Variants in TEX2 observed in about 807,000 individuals in gnomAD.
TEX2 encodes the protein testis expressed 2.
TEX2 carries 53 observed loss-of-function variants against 106.9 expected under a neutral mutation model. The ratio of observed to expected loss-of-function variants is 0.50; its 90% CI spans 0.40 to 0.62. The LOEUF (loss-of-function observed/expected upper bound fraction) is 0.62, where lower values mean the gene tolerates loss of function less well. TEX2 is among the 20% of genes least tolerant of loss of function. The pLI is 0.00. For synonymous variants in TEX2, 523 were observed against 534.8 expected, an observed-to-expected ratio of 0.98 and a Z score of 0.30; for missense variants, 1,207 against 1,379.0, an observed-to-expected ratio of 0.88 and a Z score of 1.98.
At position 64,252,049 on chromosome 17, in the gene TEX2, T is replaced by G. The variant is rs538052480; in HGVS notation, c.-26+11119A>C. 4.6e-5 allele frequency among the ~76,000 whole-genome samples: 7 copies of G among 152,230 alleles called. No individual in the cohort carries two copies. In the South Asian group the frequency reaches 1.4e-3, roughly 32 times the overall value. Reference sequence around the variant, plus strand: ...TATGGAATACTCCAACCTTAAGGTCTCAAAATGGAGCCTCATGTCAGTGTC... The same window carrying G: ...TATGGAATACTCCAACCTTAAGGTCGCAAAATGGAGCCTCATGTCAGTGTC... On this transcript the variant is annotated intron_variant, in intron 1 of 11. Coordinates refer to ENST00000584379, the MANE Select transcript of TEX2 (RefSeq NM_001288732.2).
At position 64,154,333 on chromosome 17, in the gene TEX2, T is replaced by G. The variant is rs1049764275; in HGVS notation, c.2930+509A>C. 3.3e-4 allele frequency among the ~76,000 whole-genome samples: 48 copies of G among 146,538 alleles called. 1 individual carries two copies. The highest frequency in any genetic ancestry group is 1.3e-3 in the African/African-American group (47 of 36,920). The stretch of plus-strand genomic sequence containing the variant: ...TAGGCTATTTAAGCACTTTGATCAT[T>G]TCACAGCCCAAGTTAACAGGGAAAG... On this transcript the variant is annotated intron_variant, in intron 9 of 11. Coordinates refer to ENST00000584379, the MANE Select transcript of TEX2 (RefSeq NM_001288732.2).
chr17:64,213,780 G>A lies in TEX2; in HGVS notation c.438C>T (p.Ser146=). ...CAGAAAGGGATGACACACTGGGAGA[G>A]CTAGCTAAGGGCCCCGACGAAGACG... ...PGSSSSGPLA[S]SPSVSSLSEQ... is the part of the protein sequence containing the mutation. The change falls in exon 2 of 12, where the codon AGC becomes AGT. Residue 146 remains serine, a synonymous_variant. Transcript: ENST00000584379. This position sits in a 1 kb window ranked among gnomAD's most constrained non-coding sequence, Gnocchi z 4.4. The A allele has an allele frequency of 6.2e-7, 1 of 1,614,194 alleles. No homozygotes were observed. Among genetic ancestry groups the A allele is most frequent in the Non-Finnish European group, 8.5e-7 (1 of 1,180,034 alleles).
rs1187951291 is a variant in TEX2 at position 64,212,834 on chromosome 17, C to T, written c.1384G>A (p.Val462Met). Residue 462 changes from valine (V) to methionine (M), a missense_variant, in exon 2 of 12, where the codon GTG becomes ATG. Transcript: ENST00000584379. The part of the protein sequence containing the change: ...DGVVLDSEDE[V>M]DSAVQHPELP... ...TCCGGGTGCTGCACGGCCGAGTCCA[C>T]CTCGTCCTCACTGTCAAGGACCACA... 9 of 1,614,076 alleles carry T rather than the reference C, an allele frequency of 5.6e-6. No individual in the cohort carries two copies. Among genetic ancestry groups the T allele is most frequent in the Non-Finnish European group, 6.8e-6 (8 of 1,180,026 alleles).
Position 64,181,477 on chromosome 17 carries a change from A to T in TEX2, c.2425-4006T>A, listed in dbSNP as rs1480347320. ...GCCACAGAGCAAGGCTATCTCAAAAAAAAAAAAAAAAAAAAAAAAAAGCAA... is the reference window on the plus strand; with the variant it reads ...GCCACAGAGCAAGGCTATCTCAAAATAAAAAAAAAAAAAAAAAAAAAGCAA... On this transcript the variant is annotated intron_variant, in intron 5 of 11. Transcript: ENST00000584379. Among the ~76,000 whole-genome samples the T allele has an allele frequency of 7.5e-3, 903 of 121,006 alleles. 69 individuals are homozygous for T. Among genetic ancestry groups the T allele is most frequent in the African/African-American group, 0.016 (575 of 36,244 alleles). 79.4% of individuals were successfully genotyped at this position (121,006 alleles called of 152,430 possible).
Position 64,149,091 on chromosome 17 carries a change from T to C in TEX2, c.3262A>G (p.Lys1088Glu). The change falls in exon 12 of 12, where the codon AAA (lysine) becomes GAA (glutamate). Residue 1088 changes from lysine (K) to glutamate (E), a missense_variant and splice_region_variant. Around this residue, in one of 3 missense-constraint regions of TEX2, gnomAD observed 77 missense variants for 73.2 expected, o/e 1.05. Transcript: ENST00000584379. ...IEKKLEQEFQ[K>E]VFVMPNMDDV... ...TCCATGTTTGGCATGACAAAAACTT[T>C]CTGTAGGAAGATATTAAAGAACAGC... 6 of 1,613,834 alleles carry C rather than the reference T, an allele frequency of 3.7e-6. No individual in the cohort carries two copies. The highest frequency in any genetic ancestry group is 5.1e-6 in the Non-Finnish European group (6 of 1,179,832).
rs1334342023 is a variant in TEX2, at chr17:64,185,675, C to T, written c.2424+2493G>A. On this transcript the variant is annotated intron_variant, in intron 5 of 11. Coordinates refer to ENST00000584379, the MANE Select transcript of TEX2 (RefSeq NM_001288732.2). The surrounding 1 kb of genome is among the most constrained non-coding windows in gnomAD (Gnocchi z 4.0). Reference sequence around the variant, plus strand: ...ACAGTGGCTCACGCTGTAATTCCACCACTTTGGGAGGCCGAGGAGAGTGGA... The same window carrying T: ...ACAGTGGCTCACGCTGTAATTCCACTACTTTGGGAGGCCGAGGAGAGTGGA... Among the ~76,000 whole-genome samples the T allele has an allele frequency of 6.6e-6, 1 of 152,058 alleles. No homozygotes were observed. The highest frequency in any genetic ancestry group is 1.5e-5 in the Non-Finnish European group (1 of 68,020).
intron 1 of TEX2, among the ~76,000 whole-genome samples, chr17:64,245,165 C>T (rs1178920781): frequency 6.6e-6 from 1 of 152,150 alleles, no homozygotes; most frequent in African/African-American, 2.4e-5. Flanking sequence ...GGTACCCTTA[C>T]ACTATTATTT....
chr17:64,180,133 A>C (rs2031794661), intron 5 of TEX2, among the ~76,000 whole-genome samples: 1 of 152,224 alleles, frequency 6.6e-6, no homozygotes, highest in African/African-American at 2.4e-5. Context: ...TCCAAGGGCA[A>C]TGACCACCTG....
Position 64,212,783 on chromosome 17 carries a change from A to T in TEX2, c.1435T>A (p.Phe479Ile). The change falls in exon 2 of 12, where the codon TTT (phenylalanine) becomes ATT (isoleucine). Residue 479 changes from phenylalanine (F) to isoleucine (I), a missense_variant. Physicochemically the swap from Phe to Ile is conservative, Grantham distance 21. Transcript: ENST00000584379. ...PELPVKTLGF[F>I]IMCVYVYLIL... Reference sequence around the variant, plus strand: ...AGGTACACATAGACACACATTATAAAGAAGCCCAACGTCTTCACTGGCAAT... The same window carrying T: ...AGGTACACATAGACACACATTATAATGAAGCCCAACGTCTTCACTGGCAAT... 2.5e-6 allele frequency: 4 copies of T among 1,614,206 alleles called. No individual in the cohort carries two copies. Among genetic ancestry groups the T allele is most frequent in the Non-Finnish European group, 3.4e-6 (4 of 1,180,046 alleles).
At chr17:64,219,423 T>G (rs1240190845) in intron 1 of TEX2, among the ~76,000 whole-genome samples, 1 of 151,806 alleles carries the variant, frequency 6.6e-6, no homozygotes, top group Admixed American at 6.6e-5. Flanking sequence ...CAAGAATCGC[T>G]TGAAACTGAG....
chr17:64,213,996 G>C lies in TEX2; in HGVS notation c.222C>G (p.Asp74Glu), dbSNP rs147535178. The C allele has an allele frequency of 1.2e-6, 2 of 1,614,054 alleles. No individual in the cohort carries two copies. The highest frequency in any genetic ancestry group is 1.7e-6 in the Non-Finnish European group (2 of 1,180,040). The change falls in exon 2 of 12, where the codon GAC (aspartate) becomes GAG (glutamate). Residue 74 changes from aspartate (D) to glutamate (E), a missense_variant. Coordinates refer to ENST00000584379, the MANE Select transcript of TEX2 (RefSeq NM_001288732.2). This position sits in a 1 kb window ranked among gnomAD's most constrained non-coding sequence, Gnocchi z 4.4. ...GGCCAACTTGGGGTTCAAGATAGAG[G>C]TCTTCCTTGGCTTCCAGCCCTGTTA... ...SIVTGLEAKEDLYLEPQVGHD... is the reference protein window; with the variant it reads ...SIVTGLEAKEELYLEPQVGHD...
intron 1 of TEX2, among the ~76,000 whole-genome samples, chr17:64,241,604 C>T (rs1035703727): frequency 1.3e-5 from 2 of 152,040 alleles, no homozygotes; most frequent in Admixed American, 1.3e-4. Context: ...AAAAGTGGGG[C>T]CTCCTCATCC....
At chr17:64,197,494 T>C (rs1430698835) in intron 2 of TEX2, among the ~76,000 whole-genome samples, 1 of 152,180 alleles carries the variant, frequency 6.6e-6, no homozygotes, top group Non-Finnish European at 1.5e-5. Context: ...ACTGGTAATT[T>C]GTGCTTCTCT....
rs150065693 is a variant in TEX2, at chr17:64,193,795, G to C, written c.1940C>G (p.Ser647Cys). The change falls in exon 4 of 12, where the codon TCT (serine) becomes TGT (cysteine). Residue 647 changes from serine to cysteine, a missense_variant. Ser to Cys is a moderately radical substitution (Grantham distance 112, BLOSUM62 -1). Transcript: ENST00000584379. ...AGTCTCCTTATCAGTCTGAGCTTTA[G>C]ACATAAAGTCATCTTGCTGACCAAG... is the stretch of plus-strand genomic sequence containing the variant. ...IELGQQDDFM[S>C]KAQTDKETSE... 514 of 1,610,316 alleles carry C rather than the reference G, an allele frequency of 3.2e-4. No homozygotes were observed. The highest frequency in any genetic ancestry group is 9.9e-4 in the Middle Eastern group (6 of 6,048).
At chr17:64,227,870 A>G (rs1220678233) in intron 1 of TEX2, among the ~76,000 whole-genome samples, 1 of 152,250 alleles carries the variant, frequency 6.6e-6, no homozygotes, top group Non-Finnish European at 1.5e-5. Flanking sequence ...TCCCTGGCAC[A>G]GAGCAGCCCT....
chr17:64,190,102 C>A (rs977331169), intron 4 of TEX2, among the ~76,000 whole-genome samples: 2 of 152,096 alleles, frequency 1.3e-5, no homozygotes, highest in African/African-American at 2.4e-5. Context: ...CAAAGGGTCA[C>A]GCAAGCCATT....
At position 64,153,046 on chromosome 17, in the gene TEX2, G is replaced by A. The variant is rs146118566; in HGVS notation, c.3039C>T (p.Ile1013=). ...ATETEFIKKK[I]EEVSNTPLLL... Reference sequence around the variant, plus strand: ...GCAGGGGTGTGTTGGAGACTTCTTCGATCTTCTTTTTAATAAACTCTGTCT... The same window carrying A: ...GCAGGGGTGTGTTGGAGACTTCTTCAATCTTCTTTTTAATAAACTCTGTCT... Residue 1013 remains isoleucine (I), a synonymous_variant, in exon 10 of 12, where the codon ATC becomes ATT. Transcript: ENST00000584379. The surrounding 1 kb of genome is among the most constrained non-coding windows in gnomAD (Gnocchi z 4.1). The A allele has an allele frequency of 1.2e-4, 195 of 1,613,902 alleles. No individual in the cohort carries two copies. The highest frequency in any genetic ancestry group is 1.5e-4 in the Non-Finnish European group (176 of 1,179,962).
chr17:64,191,817 C>CAAAAAAAAAAAAAA (rs58376086), intron 4 of TEX2, among the ~76,000 whole-genome samples: 10 of 119,894 alleles, frequency 8.3e-5, no homozygotes, highest in Non-Finnish European at 1.3e-4. Context: ...GACTCCATCT[C>CAAAAAAAAAAAAAA]AAAAAAAAAA....
chr17:64,219,962 T>G (rs2033312043), intron 1 of TEX2, among the ~76,000 whole-genome samples: 1 of 152,144 alleles, frequency 6.6e-6, no homozygotes, highest in South Asian at 2.1e-4. Flanking sequence ...ATTGCCTGGG[T>G]GGGCCCAATG....
Sources: gnomAD v4.1 joint callset for allele counts (sites outside exome capture counted in the v4.1 genomes callset) on GRCh38, gnomAD v4.1.1 for gene constraint, gnomAD v4.1.1 regional missense constraint, Gnocchi (gnomAD v3.1) non-coding constraint, MANE v1.5 for transcripts, NCBI Gene and HGNC (gene_info 2026-07-23, HGNC 2026-07-21) for gene names.